MRC1: variants seen among roughly 807,000 people sequenced by gnomAD.
The protein encoded by MRC1 is macrophage mannose receptor 1.
In MRC1, 62 loss-of-function variants were observed where a neutral mutation model predicts 102.9. That is an observed-to-expected ratio of 0.60 (90% CI 0.49 to 0.74). The LOEUF (loss-of-function observed/expected upper bound fraction) is 0.74. Ranked by LOEUF, MRC1 falls within the 30% of genes least tolerant of loss-of-function variation. The pLI, the probability that MRC1 is intolerant of heterozygous loss-of-function variation, is 0.00. For synonymous variants in MRC1, 457 were observed against 298.4 expected, an observed-to-expected ratio of 1.53 and a Z score of -5.48; for missense variants, 1,237 against 862.8, an observed-to-expected ratio of 1.43 and a Z score of -5.43.
chr10:17,870,807 A>G, intron 13 of MRC1, 41 bp from the exon 14 acceptor site: 2 of 871,040 alleles, frequency 2.3e-6, no homozygotes, highest in African/African-American at 1.6e-5. Context: ...AACTTGCTTC[A>G]TGCAATAGCA....
intron 23 of MRC1, among the ~76,000 whole-genome samples, chr10:17,896,781 AAAATG>A (rs1355368713): frequency 1.3e-5 from 2 of 152,208 alleles, no homozygotes; most frequent in Non-Finnish European, 2.9e-5. Flanking sequence ...AAAATAAAAT[AAAATG>A]AAATGAAATG....
chr10:17,893,809 T>C (rs1460288293), intron 22 of MRC1, among the ~76,000 whole-genome samples: 1 of 152,244 alleles, frequency 6.6e-6, no homozygotes, highest in Non-Finnish European at 1.5e-5. Flanking sequence ...ATGAAATATA[T>C]AGATCATGCT....
intron 12 of MRC1, among the ~76,000 whole-genome samples, chr10:17,869,479 T>C (rs1833323997): frequency 6.6e-6 from 1 of 151,944 alleles, no homozygotes; most frequent in Non-Finnish European, 1.5e-5. Flanking sequence ...TGATGAGGAG[T>C]AACGCATGAG....
At chr10:17,885,000 G>T (rs1833571937) in intron 21 of MRC1, among the ~76,000 whole-genome samples, 1 of 152,224 alleles carries the variant, frequency 6.6e-6, no homozygotes, top group African/African-American at 2.4e-5. Context: ...ACAGAATGGA[G>T]CCCTTGGGCA....
intron 23 of MRC1, 82 bp downstream of exon 23, chr10:17,894,394 C>CTTTTTTTTTTTTTTT (rs34625338): frequency 3.7e-5 from 15 of 406,290 alleles, no homozygotes; most frequent in African/African-American, 1.0e-4. Flanking sequence ...TTCTTTCTTT[C>CTTTTTTTTTTTTTTT]TTTTTTTTTT....
At chr10:17,838,820 T>A (rs916084039) in intron 4 of MRC1, among the ~76,000 whole-genome samples, 1 of 152,074 alleles carries the variant, frequency 6.6e-6, no homozygotes, top group Admixed American at 6.6e-5. Context: ...CAAAAAAAAT[T>A]TCTGGTTTGA....
At chr10:17,835,212 A>G (rs1001228286) in intron 4 of MRC1, among the ~76,000 whole-genome samples, 4 of 152,146 alleles carry the variant, frequency 2.6e-5, no homozygotes, top group African/African-American at 4.8e-5. Flanking sequence ...ATGCAATTCT[A>G]TTTCCATCTG....
intron 1 of MRC1, among the ~76,000 whole-genome samples, chr10:17,820,853 T>G (rs1415707502): frequency 6.6e-6 from 1 of 152,216 alleles, no homozygotes; most frequent in Non-Finnish European, 1.5e-5. Context: ...TAGTCACTGT[T>G]TTTTAAAAAA....
intron 11 of MRC1, among the ~76,000 whole-genome samples, chr10:17,864,222 C>T (rs1264598942): frequency 1.3e-5 from 2 of 151,990 alleles, no homozygotes; most frequent in South Asian, 2.1e-4. Context: ...AGGCTGGTCT[C>T]GAACTCCTCG....
At chr10:17,874,154 C>T (rs930242236) in intron 16 of MRC1, among the ~76,000 whole-genome samples, 2 of 152,202 alleles carry the variant, frequency 1.3e-5, no homozygotes, top group Non-Finnish European at 2.9e-5. Context: ...TGCAGTTACT[C>T]CCTTACAGTT....
intron 2 of MRC1, among the ~76,000 whole-genome samples, chr10:17,826,482 G>A (rs189113093): frequency 7.9e-5 from 12 of 152,160 alleles, no homozygotes; most frequent in African/African-American, 2.4e-4. Context: ...GATTGCAAGC[G>A]TGAGACAAGC....
At chr10:17,873,680 T>A in intron 15 of MRC1, 104 bp from the exon 16 acceptor site, 1 of 792,892 alleles carries the variant, frequency 1.3e-6, no homozygotes, top group Non-Finnish European at 2.3e-6. Flanking sequence ...AGAGAACAAC[T>A]AAGTTTTTAG....
chr10:17,866,640 C>G lies in MRC1; in HGVS notation c.1862C>G (p.Ala621Gly). Residue 621 changes from alanine to glycine, a missense_variant, in exon 12 of 30, where the codon GCA (alanine) becomes GGA (glycine). Physicochemically the swap from Ala to Gly is moderately conservative, Grantham distance 60 (BLOSUM62 0). Coordinates refer to ENST00000569591, the MANE Select transcript of MRC1 (RefSeq NM_002438.4). Reference sequence around the variant, plus strand: ...GATGTTTTGAAATGTGATGAAAAGGCAAAATTTGTGTGCAAGCACTGGGCA... The same window carrying G: ...GATGTTTTGAAATGTGATGAAAAGGGAAAATTTGTGTGCAAGCACTGGGCA... The part of the protein sequence containing the change: ...LWDVLKCDEK[A>G]KFVCKHWAEG... The G allele has an allele frequency of 1.3e-6, 1 of 780,774 alleles. No homozygotes were observed. Among genetic ancestry groups the G allele is most frequent in the Non-Finnish European group, 2.4e-6 (1 of 417,944 alleles). The allele number at this position is 780,774 out of a possible 1,614,324, so 48.4% of individuals were successfully genotyped here.
chr10:17,835,788 C>T (rs1180321004), intron 4 of MRC1, among the ~76,000 whole-genome samples: 1 of 152,138 alleles, frequency 6.6e-6, no homozygotes, highest in Admixed American at 6.5e-5. Context: ...TATTCATCAC[C>T]TTGGAATTCT....
At chr10:17,828,108 G>A (rs902359456) in intron 3 of MRC1, among the ~76,000 whole-genome samples, 14 of 152,244 alleles carry the variant, frequency 9.2e-5, no homozygotes, top group Middle Eastern at 6.8e-3. Flanking sequence ...ACGGAGTCTC[G>A]CTGTGTCTCC....
intron 22 of MRC1, among the ~76,000 whole-genome samples, chr10:17,885,758 G>C (rs1833584163): frequency 6.6e-6 from 1 of 151,588 alleles, no homozygotes; most frequent in Non-Finnish European, 1.5e-5. Flanking sequence ...CCTTGTAGCT[G>C]TTTTAGTATT....
rs974634615 is a variant in MRC1, at chr10:17,819,770, C to G, written c.62-3304C>G. On this transcript the variant is annotated intron_variant, in intron 1 of 29. Transcript: ENST00000569591. ...CCAACCTAGGCAACAAAGTGACACC[C>G]CTGTCTCCAGTAAAAATAAAAAATA... Among the ~76,000 whole-genome samples the G allele has an allele frequency of 7.2e-5, 11 of 152,110 alleles. No homozygotes were observed. In the South Asian group the frequency reaches 2.3e-3, roughly 32 times the overall value.
At chr10:17,842,339 G>A (rs1198896375) in intron 5 of MRC1, among the ~76,000 whole-genome samples, 1 of 152,182 alleles carries the variant, frequency 6.6e-6, no homozygotes, top group Non-Finnish European at 1.5e-5. Context: ...TCAAATAGAT[G>A]CTAAAACACG....
In MRC1 at chr10:17,820,546, A is replaced by T. The variant is rs1838379600; in HGVS notation, c.62-2528A>T. Among the ~76,000 whole-genome samples the T allele has an allele frequency of 2.0e-5, 3 of 152,224 alleles. No homozygotes were observed. In the South Asian group the frequency reaches 6.2e-4, roughly 32 times the overall value. ...TGGTTGCCAATCAGTTAATTGACTG[A>T]ATTTGACCAGTTAATAAGACTGTTG... On this transcript the variant is annotated intron_variant, in intron 1 of 29. Coordinates refer to ENST00000569591, the MANE Select transcript of MRC1 (RefSeq NM_002438.4).
Sources: allele counts gnomAD v4.1 joint callset (sites outside exome capture counted in the v4.1 genomes callset), GRCh38; gene constraint gnomAD v4.1.1; transcripts MANE v1.5; gene names NCBI Gene and HGNC (gene_info 2026-07-23, HGNC 2026-07-21).